The following NR6A1 variants were observed in gnomAD, a reference collection of about 807,000 sequenced individuals.
The protein encoded by NR6A1 is retinoic acid receptor-related testis-associated receptor.
A neutral mutation model predicts 59.1 loss-of-function variants in NR6A1; 7 were observed. The observed-to-expected ratio is 0.12, with a 90% confidence interval of 0.07 to 0.22. The LOEUF is 0.22. NR6A1 is among the 10% of genes least tolerant of loss of function. The pLI, the probability that NR6A1 is intolerant of heterozygous loss-of-function variation, is 1.00. For missense variants in NR6A1, 468 were observed against 611.6 expected (o/e 0.77, Z 2.48); for synonymous variants, 243 against 236.1 (o/e 1.03, Z -0.27).
intron 2 of NR6A1, among the ~76,000 whole-genome samples, chr9:124,685,815 T>C (rs893295895): frequency 3.3e-5 from 5 of 152,218 alleles, no homozygotes; most frequent in African/African-American, 1.2e-4. Context: ...CAATTTCAGG[T>C]TAGCAATGGA....
At chr9:124,699,896 G>A (rs1444252194) in intron 2 of NR6A1, among the ~76,000 whole-genome samples, 1 of 151,952 alleles carries the variant, frequency 6.6e-6, no homozygotes, top group African/African-American at 2.4e-5. Flanking sequence ...TCCAGTCTTC[G>A]CCCAGACTGG....
chr9:124,647,885 T>TA (rs1836985437), intron 2 of NR6A1, among the ~76,000 whole-genome samples: 2 of 152,128 alleles, frequency 1.3e-5, no homozygotes, highest in South Asian at 2.1e-4. Context: ...ATGAAACACT[T>TA]AAAGAACTAA....
At chr9:124,603,863 C>A (rs1223616989) in intron 2 of NR6A1, among the ~76,000 whole-genome samples, 1 of 152,200 alleles carries the variant, frequency 6.6e-6, no homozygotes, top group Admixed American at 6.5e-5. Flanking sequence ...AATTCCAACT[C>A]CAGCAAATCT....
At chr9:124,565,711 T>A (rs1037804803) in intron 2 of NR6A1, among the ~76,000 whole-genome samples, 1 of 152,190 alleles carries the variant, frequency 6.6e-6, no homozygotes, top group Non-Finnish European at 1.5e-5. Context: ...ACATAATCAA[T>A]AAACTTATGA....
intron 2 of NR6A1, among the ~76,000 whole-genome samples, chr9:124,681,687 T>A (rs943882014): frequency 6.6e-6 from 1 of 152,222 alleles, no homozygotes; most frequent in African/African-American, 2.4e-5. Context: ...GATATTTTTA[T>A]CTGTCACTGT....
At chr9:124,604,241 C>T (rs931619747) in intron 2 of NR6A1, among the ~76,000 whole-genome samples, 1 of 152,164 alleles carries the variant, frequency 6.6e-6, no homozygotes, top group African/African-American at 2.4e-5. Context: ...CTGGGCACCT[C>T]CACCTAGATG....
At chr9:124,561,726 T>A (rs192065712) in intron 2 of NR6A1, among the ~76,000 whole-genome samples, 1 of 151,922 alleles carries the variant, frequency 6.6e-6, no homozygotes, top group Non-Finnish European at 1.5e-5. Context: ...AGCTTGGCCA[T>A]CATGGTGAAA....
intron 2 of NR6A1, among the ~76,000 whole-genome samples, chr9:124,656,447 A>C (rs149255563): frequency 6.6e-6 from 1 of 152,352 alleles, no homozygotes; most frequent in East Asian, 1.9e-4. Flanking sequence ...ATGAACCTTG[A>C]GGACACCATG....
chr9:124,721,769 T>A (rs1426857484), intron 2 of NR6A1, among the ~76,000 whole-genome samples: 1 of 152,176 alleles, frequency 6.6e-6, no homozygotes, highest in African/African-American at 2.4e-5. Context: ...ATTATATATG[T>A]TATAAATCAT....
intron 2 of NR6A1, among the ~76,000 whole-genome samples, chr9:124,625,266 C>T (rs575767453): frequency 1.3e-5 from 2 of 152,300 alleles, no homozygotes; most frequent in Admixed American, 6.5e-5. Context: ...CTCTGGTAAC[C>T]TCACAAGAGC....
intron 2 of NR6A1, among the ~76,000 whole-genome samples, chr9:124,639,294 A>G (rs995505555): frequency 1.1e-4 from 16 of 152,214 alleles, no homozygotes; most frequent in African/African-American, 3.9e-4. Context: ...TAAAATGGAG[A>G]AAGAACATGC....
At chr9:124,538,025 C>G in intron 6 of NR6A1, 67 bp downstream of exon 6, 6 of 1,330,500 alleles carry the variant, frequency 4.5e-6, no homozygotes, top group East Asian at 2.3e-5. Flanking sequence ...GAGCCAGGGA[C>G]GCGAGTGGGT....
At chr9:124,702,296 G>C (rs1445792572) in intron 2 of NR6A1, among the ~76,000 whole-genome samples, 2 of 152,094 alleles carry the variant, frequency 1.3e-5, no homozygotes, top group Non-Finnish European at 2.9e-5. Context: ...GTGTAAAATA[G>C]AGTCTTAGAT....
At chr9:124,548,112 G>A (rs1833654832) in intron 3 of NR6A1, among the ~76,000 whole-genome samples, 1 of 137,906 alleles carries the variant, frequency 7.3e-6, no homozygotes, top group Admixed American at 7.5e-5. Flanking sequence ...AGTGGGGAAG[G>A]TGGAAGAGAG....
chr9:124,738,895 G>A lies in NR6A1; in HGVS notation c.101-5546C>T, dbSNP rs1233131477. On this transcript the variant is annotated intron_variant, in intron 1 of 9. Transcript: ENST00000487099. ...GCGCATGCTGTAGTCCTAGCTACTC[G>A]GGGGGCTGAGGCAAGAGAATCATTT... Among the ~76,000 whole-genome samples, 6 of 151,670 alleles carry A rather than the reference G, an allele frequency of 4.0e-5. No individual in the cohort carries two copies. The South Asian group carries it at 8.3e-4, about 21-fold the overall frequency.
intron 2 of NR6A1, among the ~76,000 whole-genome samples, chr9:124,578,498 T>C (rs917769966): frequency 2.0e-5 from 3 of 152,212 alleles, no homozygotes; most frequent in Non-Finnish European, 4.4e-5. Context: ...TTACTTTCTT[T>C]TACATTTCAT....
At chr9:124,606,294 T>A (rs752290893) in intron 2 of NR6A1, among the ~76,000 whole-genome samples, 5 of 152,202 alleles carry the variant, frequency 3.3e-5, no homozygotes, top group Admixed American at 1.3e-4. Flanking sequence ...TCCAATTCTA[T>A]GAATGTCCAC....
intron 2 of NR6A1, among the ~76,000 whole-genome samples, chr9:124,627,696 T>A (rs1323136782): frequency 1.3e-5 from 2 of 151,632 alleles, no homozygotes; most frequent in Non-Finnish European, 2.9e-5. Flanking sequence ...CTCAGCCTCC[T>A]AAGTAGCTCA....
At chr9:124,563,226 A>G (rs1834129675) in intron 2 of NR6A1, among the ~76,000 whole-genome samples, 1 of 152,244 alleles carries the variant, frequency 6.6e-6, no homozygotes, top group African/African-American at 2.4e-5. Flanking sequence ...AAAAAAATGA[A>G]ATGAAAAATA....
Sources: gnomAD v4.1 joint callset for allele counts (sites outside exome capture counted in the v4.1 genomes callset) on GRCh38, gnomAD v4.1.1 for gene constraint, MANE v1.5 for transcripts, NCBI Gene and HGNC (gene_info 2026-07-23, HGNC 2026-07-21) for gene names.